CCDC18: variants seen among roughly 807,000 people sequenced by gnomAD.
The protein encoded by CCDC18 is coiled-coil domain-containing protein 18.
In CCDC18, 157 loss-of-function variants were observed where a neutral mutation model predicts 196.0. The observed-to-expected ratio is 0.80, with a 90% CI of 0.70 to 0.91. CCDC18 has a LOEUF of 0.91. CCDC18 is among the 40% of genes least tolerant of loss of function. The pLI is 0.00. For synonymous variants in CCDC18, 482 were observed against 529.2 expected, an observed-to-expected ratio of 0.91 and a Z score of 1.22; for missense variants, 1,465 against 1,611.6, an observed-to-expected ratio of 0.91 and a Z score of 1.56.
At chr1:93,234,307 G>A (rs531272037) in intron 18 of CCDC18, among the ~76,000 whole-genome samples, 1 of 152,124 alleles carries the variant, frequency 6.6e-6, no homozygotes, top group Admixed American at 6.5e-5. Context: ...GACTACAGGT[G>A]CGCACCACCA....
At chr1:93,214,111 T>G (rs1212425465) in intron 11 of CCDC18, among the ~76,000 whole-genome samples, 3 of 152,150 alleles carry the variant, frequency 2.0e-5, no homozygotes, top group African/African-American at 7.2e-5. Context: ...GTAATTTTTT[T>G]GAGACAGGAT....
Position 93,226,458 on chromosome 1 carries a change from A to ATATAG in CCDC18, c.2292+9_2292+10insTATAG, listed in dbSNP as rs1242309145. ...AGAAGAAATCTGAAGAGGTAAATTA[A>ATATAG]CATTTACTTTATATATAGCATATAT... On this transcript the variant is annotated intron_variant, in intron 17 of 28. Transcript: ENST00000690025. 6.5e-6 allele frequency: 8 copies of ATATAG among 1,229,676 alleles called. No individual in the cohort carries two copies. The highest frequency in any genetic ancestry group is 9.6e-6 in the Non-Finnish European group (8 of 836,024). 76.2% of individuals were successfully genotyped at this position (1,229,676 alleles called of 1,614,324 possible). A position where few individuals can be genotyped will look rare whatever the true frequency, so the allele number is the denominator to read the frequency against.
chr1:93,181,822 G>A (rs1316466749), intron 1 of CCDC18, among the ~76,000 whole-genome samples: 1 of 152,068 alleles, frequency 6.6e-6, no homozygotes, highest in African/African-American at 2.4e-5. Context: ...TCACCATCTT[G>A]GCCAGGTTGG....
chr1:93,232,713 A>C (rs1570481796), intron 18 of CCDC18, 120 bp downstream of exon 18: 1 of 725,668 alleles, frequency 1.4e-6, no homozygotes, highest in Non-Finnish European at 2.2e-6. Flanking sequence ...GCTCGTGCCC[A>C]TAATTCCAGC....
At chr1:93,213,027 G>T (rs548852413) in intron 11 of CCDC18, among the ~76,000 whole-genome samples, 1 of 152,278 alleles carries the variant, frequency 6.6e-6, no homozygotes. Flanking sequence ...TCCTGCGCAT[G>T]TGCAGTTCAT....
At chr1:93,185,790 C>T (rs1329556888) in intron 3 of CCDC18, among the ~76,000 whole-genome samples, 1 of 151,642 alleles carries the variant, frequency 6.6e-6, no homozygotes, top group African/African-American at 2.4e-5. Flanking sequence ...TTTTGAATTG[C>T]ATAAATAAAT....
chr1:93,195,191 C>A lies in CCDC18; in HGVS notation c.698+1447C>A, dbSNP rs113081532. ...TGGCTAAATATTGACTTTGGCTTCA[C>A]AAAGTGAGTAAGTGGGGGACAGACA... On this transcript the variant is annotated intron_variant, in intron 6 of 28. Coordinates refer to ENST00000690025, the MANE Select transcript of CCDC18 (RefSeq NM_001378204.1). 5.1e-4 allele frequency among the ~76,000 whole-genome samples: 77 copies of A among 152,242 alleles called. 1 individual carries two copies. Among genetic ancestry groups the A allele is most frequent in the African/African-American group, 1.8e-3 (75 of 41,544 alleles).
chr1:93,242,374 A>G (rs1319105640), intron 21 of CCDC18, among the ~76,000 whole-genome samples: 1 of 152,136 alleles, frequency 6.6e-6, no homozygotes, highest in Non-Finnish European at 1.5e-5. Context: ...AAACCATCAG[A>G]TCTCTTGAGA....
intron 11 of CCDC18, among the ~76,000 whole-genome samples, chr1:93,214,419 T>TA (rs762019044): frequency 6.6e-6 from 1 of 152,086 alleles, no homozygotes; most frequent in African/African-American, 2.4e-5. Context: ...CAGGGCAACT[T>TA]AAAAAAAATT....
At chr1:93,251,040 T>TA (rs1662171946) in intron 23 of CCDC18, among the ~76,000 whole-genome samples, 2 of 152,334 alleles carry the variant, frequency 1.3e-5, no homozygotes, top group African/African-American at 4.8e-5. Context: ...CTTTCCCACT[T>TA]ACTGTCTTTC....
chr1:93,246,218 G>C lies in CCDC18; in HGVS notation c.3081+14G>C. ...AGAGCAGCTCAGGTTGATTTTTCTT[G>C]ATTATATTTTAATGGAGTTTTCTGT... On this transcript the variant is annotated intron_variant, in intron 22 of 28. Transcript: ENST00000690025. 1 of 1,563,086 alleles carries C rather than the reference G, an allele frequency of 6.4e-7. No individual in the cohort carries two copies. Among genetic ancestry groups the C allele is most frequent in the Non-Finnish European group, 8.7e-7 (1 of 1,149,332 alleles).
chr1:93,211,275 TAAA>T (rs10538532), intron 10 of CCDC18, among the ~76,000 whole-genome samples: 353 of 140,080 alleles, frequency 2.5e-3, no homozygotes, highest in Non-Finnish European at 3.2e-3. Flanking sequence ...GAGACTCCAT[TAAA>T]AAAAAAAAAA....
In CCDC18 at chr1:93,210,753, A is replaced by C. The variant is rs181310961; in HGVS notation, c.1210-49A>C. On this transcript the variant is annotated intron_variant, in intron 9 of 28. Transcript: ENST00000690025. Reference sequence around the variant, plus strand: ...TTTGAAGTTCTGAATAAAAAAGCAAATGCATCTCATTTACATAAGTTTACA... The same window carrying C: ...TTTGAAGTTCTGAATAAAAAAGCAACTGCATCTCATTTACATAAGTTTACA... 175 of 1,426,106 alleles carry C rather than the reference A, an allele frequency of 1.2e-4. 3 individuals are homozygous for C. In the African/African-American group the frequency reaches 2.3e-3, roughly 19 times the overall value. 88.3% of individuals were successfully genotyped at this position (1,426,106 alleles called of 1,614,324 possible).
chr1:93,207,112 TAAAAG>T lies in CCDC18; in HGVS notation c.926_930del (p.Lys309ArgfsTer3). The T allele has an allele frequency of 6.1e-6, 9 of 1,465,950 alleles. No homozygotes were observed. The highest frequency in any genetic ancestry group is 2.6e-5 in the South Asian group (2 of 75,628). The allele number at this position is 1,465,950 out of a possible 1,614,324, so 90.8% of individuals were successfully genotyped here. A position where few individuals can be genotyped will look rare whatever the true frequency, so the allele number is the denominator to read the frequency against. ...TTATTCTCTTTTCTTCATAGGCAGT[TAAAAG>T]AAGAAAATAACAACGGAAAAGAAAA... On this transcript the variant is annotated frameshift_variant, in exon 9 of 29. Coordinates refer to ENST00000690025, the MANE Select transcript of CCDC18 (RefSeq NM_001378204.1). LOFTEE classifies it high-confidence loss of function.
At chr1:93,210,505 T>C (rs1655442838) in intron 9 of CCDC18, among the ~76,000 whole-genome samples, 1 of 152,284 alleles carries the variant, frequency 6.6e-6, no homozygotes, top group South Asian at 2.1e-4. Flanking sequence ...TCTAGAAATA[T>C]ATATATGTTG....
At chr1:93,264,979 T>C (rs1371937898) in intron 27 of CCDC18, 78 bp downstream of exon 27, 2 of 966,710 alleles carry the variant, frequency 2.1e-6, no homozygotes, top group Non-Finnish European at 3.3e-6. Flanking sequence ...CTTAGTAGTT[T>C]ATAGAGGACT....
At position 93,186,499 on chromosome 1, in the gene CCDC18, C is replaced by T; in HGVS notation, c.458C>T (p.Ala153Val). Reference protein sequence around the residue: ...SIHFELTQSRAKVSMLESAQQ... With the variant: ...SIHFELTQSRVKVSMLESAQQ... ...CACTTTGAATTAACACAGTCAAGAG[C>T]AAAAGTATGTATCTTGAAATAAGTT... Residue 153 changes from alanine (A) to valine (V), a missense_variant, in exon 4 of 29, where the codon GCA becomes GTA. Physicochemically the swap from Ala to Val is moderately conservative, Grantham distance 64. Coordinates refer to ENST00000690025, the MANE Select transcript of CCDC18 (RefSeq NM_001378204.1). 4 of 1,590,186 alleles carry T rather than the reference C, an allele frequency of 2.5e-6. No homozygotes were observed. Among genetic ancestry groups the T allele is most frequent in the Non-Finnish European group, 3.4e-6 (4 of 1,168,162 alleles).
intron 8 of CCDC18, 25 bp downstream of exon 8, chr1:93,205,656 G>A (rs761677016): frequency 1.9e-6 from 3 of 1,561,006 alleles, no homozygotes; most frequent in Middle Eastern, 1.7e-4. Context: ...TGTAGAAAAA[G>A]GATTTTTGTG....
chr1:93,229,402 T>G (rs1433942495), intron 17 of CCDC18, among the ~76,000 whole-genome samples: 1 of 152,254 alleles, frequency 6.6e-6, no homozygotes, highest in Non-Finnish European at 1.5e-5. Context: ...TTGGTTAATA[T>G]AATTAACACC....
Sources: allele counts gnomAD v4.1 joint callset (sites outside exome capture counted in the v4.1 genomes callset), GRCh38; gene constraint gnomAD v4.1.1; transcripts MANE v1.5; gene names NCBI Gene and HGNC (gene_info 2026-07-23, HGNC 2026-07-21).